Variants in ZNF709 observed in about 807,000 individuals in gnomAD.
The protein encoded by ZNF709 is zinc finger protein 709.
Under a neutral mutation model 10.6 loss-of-function variants are expected in ZNF709, and 15 were observed. That is an observed-to-expected ratio of 1.41 (90% CI 0.95 to 2.18). The LOEUF (loss-of-function observed/expected upper bound fraction) is 2.18, where lower values mean the gene tolerates loss of function less well. Among genes scored for constraint, ZNF709 ranks in the 30% most tolerant of loss-of-function variants. The pLI, the probability that ZNF709 is intolerant of heterozygous loss-of-function variation, is 0.00. For missense variants in ZNF709, 589 were observed against 774.0 expected (o/e 0.76, Z 2.84); for synonymous variants, 194 against 238.8 (o/e 0.81, Z 1.73).
At chr19:12,479,870 A>C (rs1422531118) in intron 1 of ZNF709, among the ~76,000 whole-genome samples, 1 of 151,954 alleles carries the variant, frequency 6.6e-6, no homozygotes, top group South Asian at 2.1e-4. Context: ...CTCTGTCTCA[A>C]AAAAAAAGAC....
At chr19:12,472,382 C>G (rs745601677) in intron 1 of ZNF709, among the ~76,000 whole-genome samples, 20 of 151,676 alleles carry the variant, frequency 1.3e-4, no homozygotes, top group Non-Finnish European at 2.5e-4. Context: ...ATTAGCCAGG[C>G]ATGGTGGTGG....
At chr19:12,466,060 C>T (rs1970568162) in intron 3 of ZNF709, among the ~76,000 whole-genome samples, 1 of 151,816 alleles carries the variant, frequency 6.6e-6, no homozygotes, top group Admixed American at 6.6e-5. Context: ...CCTGCCTCAG[C>T]TTCATGAGTA....
At position 12,465,592 on chromosome 19, in the gene ZNF709, G is replaced by A; in HGVS notation, c.330C>T (p.Asp110=). Residue 110 remains aspartate (D), a synonymous_variant, in exon 4 of 4, where the codon GAC becomes GAT. Transcript: ENST00000397732. ...KPYECSVCGK[D]YMCHSSLNRH... The stretch of plus-strand genomic sequence containing the variant: ...TATTAAGAGATGAATGACACATATA[G>A]TCCTTTCCACACACACTACATTCAT... 6.2e-7 allele frequency: 1 copy of A among 1,613,890 alleles called. No individual in the cohort carries two copies. The highest frequency in any genetic ancestry group is 8.5e-7 in the Non-Finnish European group (1 of 1,180,006).
At chr19:12,480,123 C>T (rs190037551) in intron 1 of ZNF709, among the ~76,000 whole-genome samples, 1 of 151,798 alleles carries the variant, frequency 6.6e-6, no homozygotes, top group East Asian at 1.9e-4. Context: ...CCACTGTACT[C>T]TAACTAGGAC....
Position 12,471,306 on chromosome 19 carries a change from TA to T in ZNF709, c.4-4457del. Among the ~76,000 whole-genome samples the T allele has an allele frequency of 5.3e-5, 8 of 152,244 alleles. No homozygotes were observed. In the East Asian group the frequency reaches 1.3e-3, roughly 26 times the overall value. On this transcript the variant is annotated intron_variant, in intron 1 of 3. Coordinates refer to ENST00000397732, the MANE Select transcript of ZNF709 (RefSeq NM_152601.4). ...GGGTAATGTCAAAGCAGAATTAAAT[TA>T]AGGTGGAAGTTGGTACATGTTCTCA...
At chr19:12,469,839 C>T (rs1195607978) in intron 1 of ZNF709, among the ~76,000 whole-genome samples, 2 of 152,052 alleles carry the variant, frequency 1.3e-5, no homozygotes, top group African/African-American at 4.8e-5. Context: ...ACTGTTAGCA[C>T]ACATAGGATG....
At chr19:12,467,411 G>A (rs1053627109) in intron 1 of ZNF709, among the ~76,000 whole-genome samples, 2 of 152,246 alleles carry the variant, frequency 1.3e-5, no homozygotes, top group African/African-American at 4.8e-5. Context: ...CCGAGGTGCC[G>A]TGATTGCAGA....
At chr19:12,476,150 G>A (rs1970676583) in intron 1 of ZNF709, among the ~76,000 whole-genome samples, 1 of 152,228 alleles carries the variant, frequency 6.6e-6, no homozygotes, top group Admixed American at 6.5e-5. Flanking sequence ...CCAGCACTCT[G>A]GGAGGCCATG....
rs932072361 is a variant in ZNF709, at chr19:12,466,903, G to T, written c.4-53C>A. 9.6e-6 allele frequency: 15 copies of T among 1,568,022 alleles called. No individual in the cohort carries two copies. In the Admixed American group the frequency reaches 1.7e-4, roughly 17 times the overall value. ...GATGGGTGAGACTGACAGCACTGGG[G>T]ATATAAACTCAGTTCATTAAAAGTT... On this transcript the variant is annotated intron_variant, in intron 1 of 3. Coordinates refer to ENST00000397732, the MANE Select transcript of ZNF709 (RefSeq NM_152601.4).
chr19:12,465,020 A>G lies in ZNF709; in HGVS notation c.902T>C (p.Ile301Thr), dbSNP rs1465110206. ...TTTATAGGGTTTTTCTCCAGTGTGA[A>G]TCCTTTCATGACTTCGAAAGGATGT... is the stretch of plus-strand genomic sequence containing the variant. ...CPTSFRSHER[I>T]HTGEKPYKCK... The change falls in exon 4 of 4, where the codon ATT becomes ACT. Residue 301 changes from isoleucine to threonine, a missense_variant. By Grantham distance (89) the Ile-to-Thr change is moderately conservative. This residue lies in a region of ZNF709 where 418 missense variants were observed against 496.3 expected (regional missense o/e 0.84). Transcript: ENST00000397732. 2 of 1,611,000 alleles carry G rather than the reference A, an allele frequency of 1.2e-6. No homozygotes were observed. The highest frequency in any genetic ancestry group is 1.7e-6 in the Non-Finnish European group (2 of 1,179,086).
At position 12,464,388 on chromosome 19, in the gene ZNF709, C is replaced by T. The variant is rs1970546378; in HGVS notation, c.1534G>A (p.Ala512Thr). 6.2e-7 allele frequency: 1 copy of T among 1,613,296 alleles called. No homozygotes were observed. Among genetic ancestry groups the T allele is most frequent in the Admixed American group, 1.7e-5 (1 of 59,916 alleles). Residue 512 changes from alanine (A) to threonine (T), a missense_variant, in exon 4 of 4, where the codon GCC (alanine) becomes ACC (threonine). Transcript: ENST00000397732. Reference sequence around the variant, plus strand: ...CGAAAGGAACTGGAACAACTGAAGGCTTTACCACATTGTTTACATTCATAG... The same window carrying T: ...CGAAAGGAACTGGAACAACTGAAGGTTTTACCACATTGTTTACATTCATAG... Reference protein sequence around the residue: ...KPYECKQCGKAFSCSSSFRMH... With the variant: ...KPYECKQCGKTFSCSSSFRMH...
At chr19:12,473,770 C>A (rs1040440811) in intron 1 of ZNF709, among the ~76,000 whole-genome samples, 1 of 152,158 alleles carries the variant, frequency 6.6e-6, no homozygotes, top group African/African-American at 2.4e-5. Context: ...AGACTAGGCA[C>A]AGTGGCTCAC....
chr19:12,472,977 A>C (rs1444367780), intron 1 of ZNF709, among the ~76,000 whole-genome samples: 2 of 152,224 alleles, frequency 1.3e-5, no homozygotes, highest in African/African-American at 4.8e-5. Flanking sequence ...AGAAGGACAA[A>C]AATCAGTCAA....
At chr19:12,475,933 C>T (rs1346370111) in intron 1 of ZNF709, among the ~76,000 whole-genome samples, 1 of 152,102 alleles carries the variant, frequency 6.6e-6, no homozygotes, top group East Asian at 1.9e-4. Flanking sequence ...ATCTGATTTT[C>T]AACAAATGAC....
At chr19:12,471,032 A>C (rs1970630820) in intron 1 of ZNF709, among the ~76,000 whole-genome samples, 1 of 151,870 alleles carries the variant, frequency 6.6e-6, no homozygotes, top group African/African-American at 2.4e-5. Flanking sequence ...ACTTTTTCAC[A>C]TGCCAGGCAG....
rs775924854 is a variant in ZNF709 at position 12,466,482 on chromosome 19, T to A, written c.168A>T (p.Lys56Asn). 3 of 1,614,098 alleles carry A rather than the reference T, an allele frequency of 1.9e-6. No individual in the cohort carries two copies. In the Admixed American group the frequency reaches 5.0e-5, roughly 27 times the overall value. ...NWEEKNIEDH[K>N]NQGRKLRSHM... ...CTCACCTTAGCTTTCTCCCCTGATTTTTGTGATCTTCAATGTTCTTCTCCT... is the reference window on the plus strand; with the variant it reads ...CTCACCTTAGCTTTCTCCCCTGATTATTGTGATCTTCAATGTTCTTCTCCT... The change falls in exon 3 of 4, where the codon AAA becomes AAT. Residue 56 changes from lysine (K) to asparagine (N), a missense_variant. Physicochemically the swap from Lys to Asn is moderately conservative, Grantham distance 94 (BLOSUM62 0). Around this residue, in one of 2 missense-constraint regions of ZNF709, gnomAD observed 418 missense variants for 496.3 expected, o/e 0.84. Coordinates refer to ENST00000397732, the MANE Select transcript of ZNF709 (RefSeq NM_152601.4).
chr19:12,467,930 G>C (rs1599632626), intron 1 of ZNF709, among the ~76,000 whole-genome samples: 1 of 151,870 alleles, frequency 6.6e-6, no homozygotes, highest in Admixed American at 6.5e-5. Context: ...CCGGGAGGGA[G>C]GTGGGGGTCA....
chr19:12,465,212 C>A lies in ZNF709; in HGVS notation c.710G>T (p.Ser237Ile). 2 of 1,613,048 alleles carry A rather than the reference C, an allele frequency of 1.2e-6. No individual in the cohort carries two copies. The highest frequency in any genetic ancestry group is 1.7e-6 in the Non-Finnish European group (2 of 1,179,172). Residue 237 changes from serine to isoleucine, a missense_variant, in exon 4 of 4, where the codon AGT (serine) becomes ATT (isoleucine). This residue lies in a region of ZNF709 where 418 missense variants were observed against 496.3 expected (regional missense o/e 0.84). Coordinates refer to ENST00000397732, the MANE Select transcript of ZNF709 (RefSeq NM_152601.4). ...KECGKTFSHP[S>I]SFRNHERTHS... Reference sequence around the variant, plus strand: ...AGTTCTTTCATGATTTCGAAAAGAACTGGGATGACTGAACGTTTTCCCGCA... The same window carrying A: ...AGTTCTTTCATGATTTCGAAAAGAAATGGGATGACTGAACGTTTTCCCGCA...
chr19:12,468,401 C>A (rs1007110319), intron 1 of ZNF709, among the ~76,000 whole-genome samples: 1 of 151,878 alleles, frequency 6.6e-6, no homozygotes, highest in Non-Finnish European at 1.5e-5. Context: ...TACCCCCAAC[C>A]CTGTGCTCTC....
Sources: gnomAD v4.1 joint callset for allele counts (sites outside exome capture counted in the v4.1 genomes callset) on GRCh38, gnomAD v4.1.1 for gene constraint, gnomAD v4.1.1 regional missense constraint, MANE v1.5 for transcripts, NCBI Gene and HGNC (gene_info 2026-07-23, HGNC 2026-07-21) for gene names.